ZMYM2: variants seen among roughly 807,000 people sequenced by gnomAD.
The protein encoded by ZMYM2 is zinc finger MYM-type containing 2.
A neutral mutation model predicts 162.8 loss-of-function variants in ZMYM2; 56 were observed. The observed-to-expected ratio is 0.34, with a 90% CI of 0.28 to 0.43. ZMYM2 has a LOEUF of 0.43. ZMYM2 is among the 20% of genes least tolerant of loss of function. ZMYM2 has a pLI of 1.00. For synonymous variants in ZMYM2, 510 were observed against 541.6 expected (o/e 0.94, Z 0.81); for missense variants, 1,275 against 1,621.8 (o/e 0.79, Z 3.67).
At chr13:19,959,685 C>G (rs533891969) in intron 1 of ZMYM2, among the ~76,000 whole-genome samples, 1 of 152,170 alleles carries the variant, frequency 6.6e-6, no homozygotes, top group African/African-American at 2.4e-5. Flanking sequence ...TCCCTTCCCC[C>G]CTCCCTTCCC....
rs1280845256 is a variant in ZMYM2, at chr13:20,063,105, C to A, written c.3037+134C>A. Reference sequence around the variant, plus strand: ...TTATTCTTGTTATTTTTTAAACTCACCTTAAGAGTTAACTTCATATTTTGT... The same window carrying A: ...TTATTCTTGTTATTTTTTAAACTCAACTTAAGAGTTAACTTCATATTTTGT... On this transcript the variant is annotated intron_variant, in intron 18 of 24. Coordinates refer to ENST00000610343, the MANE Select transcript of ZMYM2 (RefSeq NM_197968.4). 19 of 1,118,414 alleles carry A rather than the reference C, an allele frequency of 1.7e-5. No homozygotes were observed. In the East Asian group the frequency reaches 4.8e-4, roughly 28 times the overall value. The allele number at this position is 1,118,414 out of a possible 1,614,324, so 69.3% of individuals were successfully genotyped here. A position where few individuals can be genotyped will look rare whatever the true frequency, so the allele number is the denominator to read the frequency against.
intron 12 of ZMYM2, among the ~76,000 whole-genome samples, chr13:20,039,721 C>G (rs1954063034): frequency 6.6e-6 from 1 of 152,136 alleles, no homozygotes; most frequent in Admixed American, 6.5e-5. Flanking sequence ...TGTGATCTGC[C>G]CATCTCAGCC....
chr13:19,879,144 CATTTT>C, the ZMYM2 span, among the ~76,000 whole-genome samples: 2 of 152,068 alleles, frequency 1.3e-5, no homozygotes, highest in Non-Finnish European at 2.9e-5. Flanking sequence ...GTCTTTGATT[CATTTT>C]GAGTTAATTT....
At chr13:20,061,819 C>T (rs1956256866) in intron 17 of ZMYM2, among the ~76,000 whole-genome samples, 1 of 152,108 alleles carries the variant, frequency 6.6e-6, no homozygotes. Flanking sequence ...AAACTCCTGA[C>T]CTCAGGTGAT....
chr13:19,917,210 C>T, the ZMYM2 span, among the ~76,000 whole-genome samples: 4 of 152,208 alleles, frequency 2.6e-5, no homozygotes, highest in South Asian at 8.3e-4. Context: ...GATCCGCCCG[C>T]CTTGGCCTCC....
the ZMYM2 span, among the ~76,000 whole-genome samples, chr13:19,866,108 G>C: frequency 6.6e-6 from 1 of 151,018 alleles, no homozygotes; most frequent in Admixed American, 6.6e-5. Context: ...TGTAATCCCA[G>C]CTATTTGGGA....
At chr13:20,068,309 A>C (rs1166738092) in intron 21 of ZMYM2, 1 of 177,030 alleles carries the variant, frequency 5.6e-6, no homozygotes, top group Non-Finnish European at 1.2e-5. Flanking sequence ...GAAAAGCAGA[A>C]TTTTTTTCAT....
At chr13:20,033,411 C>T (rs1169962433) in intron 10 of ZMYM2, among the ~76,000 whole-genome samples, 1 of 152,170 alleles carries the variant, frequency 6.6e-6, no homozygotes, top group African/African-American at 2.4e-5. Context: ...TGGTCTCTTT[C>T]TCCTCACTCC....
In ZMYM2 at chr13:20,003,539, A is replaced by G. The variant is rs567078007; in HGVS notation, c.1133+404A>G. Among the ~76,000 whole-genome samples the G allele has an allele frequency of 1.1e-4, 16 of 152,290 alleles. No homozygotes were observed. In the South Asian group the frequency reaches 3.3e-3, roughly 32 times the overall value. ...ATGTGTTTGTTTTGAACATTAAGTC[A>G]TTAGAAATAGTATTTCAAGACTCAG... On this transcript the variant is annotated intron_variant, in intron 4 of 24. Coordinates refer to ENST00000610343, the MANE Select transcript of ZMYM2 (RefSeq NM_197968.4).
the ZMYM2 span, among the ~76,000 whole-genome samples, chr13:19,870,690 G>C: frequency 6.6e-6 from 1 of 151,306 alleles, no homozygotes; most frequent in Non-Finnish European, 1.5e-5. Context: ...ACAGTAGTGC[G>C]ATCTCGGCTC....
At chr13:19,866,040 C>G in the ZMYM2 span, among the ~76,000 whole-genome samples, 2 of 82,714 alleles carry the variant, frequency 2.4e-5, no homozygotes, top group Non-Finnish European at 5.0e-5. Flanking sequence ...GTAACAAATA[C>G]TTAAGATTTT....
intron 21 of ZMYM2, among the ~76,000 whole-genome samples, chr13:20,074,239 A>AGT (rs796821620): frequency 5.6e-4 from 76 of 135,208 alleles, no homozygotes; most frequent in African/African-American, 2.1e-3. Context: ...TGTGTGTGTG[A>AGT]GAGAGACAGA....
upstream of ZMYM2, among the ~76,000 whole-genome samples, chr13:19,958,437 G>A (rs1020931660): frequency 1.3e-5 from 2 of 152,028 alleles, no homozygotes; most frequent in African/African-American, 4.8e-5. Context: ...CGAATCTCGG[G>A]CTCCTGACCC....
At chr13:19,871,239 A>G in the ZMYM2 span, among the ~76,000 whole-genome samples, 1 of 152,206 alleles carries the variant, frequency 6.6e-6, no homozygotes, top group African/African-American at 2.4e-5. Context: ...AATAACACAG[A>G]AAGTAAAGAG....
the ZMYM2 span, among the ~76,000 whole-genome samples, chr13:19,947,740 G>C: frequency 6.6e-6 from 1 of 151,496 alleles, no homozygotes; most frequent in African/African-American, 2.4e-5. Context: ...GTGATCCATC[G>C]GCCTCGGCTT....
At chr13:20,063,438 A>G (rs1403897987) in intron 18 of ZMYM2, among the ~76,000 whole-genome samples, 4 of 150,980 alleles carry the variant, frequency 2.6e-5, no homozygotes, top group African/African-American at 9.7e-5. Context: ...TCTAGAAGTA[A>G]TTCATTATAG....
intron 6 of ZMYM2, among the ~76,000 whole-genome samples, chr13:20,011,573 GTTTTATTTT>G (rs1388864352): frequency 1.4e-4 from 20 of 144,204 alleles, no homozygotes; most frequent in African/African-American, 4.0e-4. Context: ...TTATTTTTTT[GTTTTATTTT>G]TTTTTTTTTT....
chr13:19,891,583 C>T, the ZMYM2 span, among the ~76,000 whole-genome samples: 1 of 147,386 alleles, frequency 6.8e-6, no homozygotes, highest in African/African-American at 2.5e-5. Flanking sequence ...TGAGACCAGC[C>T]CGGGCAACAA....
the ZMYM2 span, among the ~76,000 whole-genome samples, chr13:19,916,798 G>A: frequency 7.9e-5 from 12 of 151,992 alleles, no homozygotes; most frequent in African/African-American, 2.7e-4. Context: ...CCAACAGGGC[G>A]CATGTATACA....
Sources: gnomAD v4.1 joint callset for allele counts (sites outside exome capture counted in the v4.1 genomes callset) on GRCh38, gnomAD v4.1.1 for gene constraint, MANE v1.5 for transcripts, NCBI Gene and HGNC (gene_info 2026-07-23, HGNC 2026-07-21) for gene names.